The following ADIPOR2 variants were observed in gnomAD, a reference collection of about 807,000 sequenced individuals.
ADIPOR2 encodes the protein adiponectin receptor protein 2.
In ADIPOR2, 18 loss-of-function variants were observed where a neutral mutation model predicts 40.9. The observed-to-expected ratio is 0.44, with a 90% CI of 0.30 to 0.65. The LOEUF (loss-of-function observed/expected upper bound fraction) is 0.65. Ranked by LOEUF, ADIPOR2 falls within the 30% of genes least tolerant of loss-of-function variation. The pLI is 0.09. For missense variants in ADIPOR2, 283 were observed against 479.2 expected, an observed-to-expected ratio of 0.59 and a Z score of 3.82; for synonymous variants, 165 against 166.4, an observed-to-expected ratio of 0.99 and a Z score of 0.06.
chr12:1,756,893 C>T (rs762615131), intron 2 of ADIPOR2, among the ~76,000 whole-genome samples: 32 of 152,026 alleles, frequency 2.1e-4, no homozygotes, highest in Non-Finnish European at 4.1e-4. Flanking sequence ...GGCTGATTCT[C>T]TGAGCTGAAC....
intron 1 of ADIPOR2, among the ~76,000 whole-genome samples, chr12:1,740,745 TC>T (rs1304778632): frequency 3.3e-5 from 5 of 152,198 alleles, no homozygotes; most frequent in Non-Finnish European, 4.4e-5. Context: ...ATGTGACAGA[TC>T]CTGTTTTAGA....
chr12:1,758,466 T>C (rs1164672752), intron 2 of ADIPOR2, among the ~76,000 whole-genome samples: 4 of 152,208 alleles, frequency 2.6e-5, no homozygotes, highest in African/African-American at 7.2e-5. Context: ...AGTGAGGAAA[T>C]TGTGTTTTTA....
At chr12:1,772,585 A>G (rs1862511201) in intron 2 of ADIPOR2, 1 of 296,434 alleles carries the variant, frequency 3.4e-6, no homozygotes, top group African/African-American at 2.2e-5. Context: ...CAAACCAGTA[A>G]AGCCAGGAAT....
At chr12:1,729,162 A>G (rs1156247804) in intron 1 of ADIPOR2, among the ~76,000 whole-genome samples, 1 of 151,980 alleles carries the variant, frequency 6.6e-6, no homozygotes, top group Non-Finnish European at 1.5e-5. Context: ...GGTCTTCCCC[A>G]TTCTTCCTGG....
At chr12:1,699,606 G>A (rs1176422193) in intron 1 of ADIPOR2, among the ~76,000 whole-genome samples, 2 of 152,136 alleles carry the variant, frequency 1.3e-5, no homozygotes, top group Non-Finnish European at 2.9e-5. Context: ...AGCCGAGATA[G>A]CACCATTGCA....
chr12:1,700,465 A>G (rs1565629594), intron 1 of ADIPOR2, among the ~76,000 whole-genome samples: 1 of 152,106 alleles, frequency 6.6e-6, no homozygotes, highest in Non-Finnish European at 1.5e-5. Context: ...ATTTTATCCT[A>G]TTTCTTCCAG....
intron 1 of ADIPOR2, among the ~76,000 whole-genome samples, chr12:1,707,906 G>A (rs1227192180): frequency 6.6e-6 from 1 of 152,064 alleles, no homozygotes; most frequent in African/African-American, 2.4e-5. Flanking sequence ...AAATTACTGA[G>A]TTACAAGTTC....
At position 1,691,220 on chromosome 12, in the gene ADIPOR2, G is replaced by A. The variant is rs541568168; in HGVS notation, c.-87+29G>A. On this transcript the variant is annotated intron_variant, in intron 1 of 7. Coordinates refer to ENST00000357103, the MANE Select transcript of ADIPOR2 (RefSeq NM_024551.3). ...AGGCGGCGACGGGCTCCGGGTGAGG[G>A]TCTCTGGAGTGTGGGCGCCGTTTCC... 528 of 153,702 alleles carry A rather than the reference G, an allele frequency of 3.4e-3. 1 individual carries two copies. The highest frequency in any genetic ancestry group is 5.4e-3 in the Non-Finnish European group (372 of 68,604). 9.5% of individuals were successfully genotyped at this position (153,702 alleles called of 1,614,324 possible). A position where few individuals can be genotyped will look rare whatever the true frequency, so the allele number is the denominator to read the frequency against.
At chr12:1,780,320 G>T in intron 4 of ADIPOR2, 131 bp from the exon 5 acceptor site, 1 of 993,934 alleles carries the variant, frequency 1.0e-6, no homozygotes. Context: ...TCAGTTATTT[G>T]GAAGATTTTT....
intron 2 of ADIPOR2, chr12:1,758,046 T>C: frequency 1.5e-6 from 1 of 682,570 alleles, no homozygotes; most frequent in Non-Finnish European, 2.7e-6. Context: ...AATATATTTT[T>C]AGAGTCCAGA....
chr12:1,717,512 C>G lies in ADIPOR2; in HGVS notation c.-87+26321C>G, dbSNP rs138921695. On this transcript the variant is annotated intron_variant, in intron 1 of 7. Coordinates refer to ENST00000357103, the MANE Select transcript of ADIPOR2 (RefSeq NM_024551.3). ...CCTGAGGTCGGGAGTTCGAGACCAG[C>G]CTGATGAACATGGAGAAACCCTGTC... 4.3e-3 allele frequency among the ~76,000 whole-genome samples: 650 copies of G among 152,194 alleles called. 7 individuals carry two copies. The highest frequency in any genetic ancestry group is 0.015 in the African/African-American group (629 of 41,524).
At chr12:1,692,730 T>TG (rs2094629703) in intron 1 of ADIPOR2, among the ~76,000 whole-genome samples, 1 of 65,004 alleles carries the variant, frequency 1.5e-5, no homozygotes, top group Non-Finnish European at 3.4e-5. Context: ...GCTGGTGCAC[T>TG]TTTTTTTTTT....
At chr12:1,707,217 G>A (rs1402964258) in intron 1 of ADIPOR2, among the ~76,000 whole-genome samples, 1 of 152,088 alleles carries the variant, frequency 6.6e-6, no homozygotes, top group Non-Finnish European at 1.5e-5. Context: ...GATTAAAGTG[G>A]CAATGAACAT....
chr12:1,713,872 G>A (rs866539307), intron 1 of ADIPOR2, among the ~76,000 whole-genome samples: 22 of 152,202 alleles, frequency 1.4e-4, no homozygotes, highest in South Asian at 6.2e-4. Context: ...GAGGACAGCC[G>A]TCTGGGACAG....
intron 1 of ADIPOR2, among the ~76,000 whole-genome samples, chr12:1,741,731 G>A (rs1238739536): frequency 6.6e-6 from 1 of 152,186 alleles, no homozygotes; most frequent in East Asian, 1.9e-4. Flanking sequence ...TGTTTGGAAT[G>A]AAAAAGCCCT....
intron 1 of ADIPOR2, among the ~76,000 whole-genome samples, chr12:1,726,653 C>G (rs954325652): frequency 6.9e-6 from 1 of 143,974 alleles, no homozygotes; most frequent in Non-Finnish European, 1.5e-5. Context: ...TGCTTGTCCT[C>G]ACTCCTTTGT....
intron 1 of ADIPOR2, among the ~76,000 whole-genome samples, chr12:1,738,525 T>C (rs2154442830): frequency 6.6e-6 from 1 of 152,286 alleles, no homozygotes; most frequent in African/African-American, 2.4e-5. Context: ...TTCTTCCTAT[T>C]TTTTTCTTTA....
intron 2 of ADIPOR2, chr12:1,757,444 C>T (rs896588072): frequency 1.4e-5 from 10 of 726,978 alleles, no homozygotes; most frequent in African/African-American, 1.0e-4. Flanking sequence ...TTGGTTATCA[C>T]ACCAGTTCTT....
chr12:1,762,150 C>T (rs1030517311), intron 2 of ADIPOR2, among the ~76,000 whole-genome samples: 1 of 152,212 alleles, frequency 6.6e-6, no homozygotes, highest in African/African-American at 2.4e-5. Flanking sequence ...ACACCCACAC[C>T]TCTGGCTAAC....
Sources: allele counts gnomAD v4.1 joint callset (sites outside exome capture counted in the v4.1 genomes callset), GRCh38; gene constraint gnomAD v4.1.1; transcripts MANE v1.5; gene names NCBI Gene and HGNC (gene_info 2026-07-23, HGNC 2026-07-21).